The following DYM variants were observed in gnomAD, a reference collection of about 807,000 sequenced individuals.
DYM encodes dymeclin.
In DYM, 78 loss-of-function variants were observed where a neutral mutation model predicts 93.1. The ratio of observed to expected loss-of-function variants is 0.84; its 90% CI spans 0.70 to 1.01. The LOEUF (loss-of-function observed/expected upper bound fraction) is 1.01, where lower values mean the gene tolerates loss of function less well. Among genes scored for constraint, DYM ranks in the 50% least tolerant of loss-of-function variants. DYM has a pLI of 0.00. For synonymous variants in DYM, 321 were observed against 319.7 expected, an observed-to-expected ratio of 1.00 and a Z score of -0.04; for missense variants, 789 against 845.0, an observed-to-expected ratio of 0.93 and a Z score of 0.82.
At chr18:49,046,800 G>A (rs1385372520) in intron 17 of DYM, among the ~76,000 whole-genome samples, 1 of 152,152 alleles carries the variant, frequency 6.6e-6, no homozygotes, top group Non-Finnish European at 1.5e-5. Context: ...AGGCTGAGAT[G>A]GGAGGATTGC....
At chr18:49,133,076 A>G (rs1264479084) in intron 15 of DYM, among the ~76,000 whole-genome samples, 1 of 152,234 alleles carries the variant, frequency 6.6e-6, no homozygotes, top group Non-Finnish European at 1.5e-5. Context: ...TGTTTTTGTT[A>G]TAAAAATAAC....
At chr18:49,077,159 A>C (rs2077374357) in intron 17 of DYM, among the ~76,000 whole-genome samples, 1 of 152,230 alleles carries the variant, frequency 6.6e-6, no homozygotes, top group Non-Finnish European at 1.5e-5. Flanking sequence ...TACTAATTTT[A>C]AGTGTTCAAT....
At chr18:49,458,676 A>G (rs951058842) in intron 1 of DYM, among the ~76,000 whole-genome samples, 1 of 152,014 alleles carries the variant, frequency 6.6e-6, no homozygotes, top group Admixed American at 6.6e-5. Flanking sequence ...CGTCTCTACT[A>G]AAAATACAAA....
intron 2 of DYM, among the ~76,000 whole-genome samples, chr18:49,424,730 G>A (rs953364871): frequency 1.3e-5 from 2 of 152,124 alleles, no homozygotes; most frequent in African/African-American, 4.8e-5. Flanking sequence ...AAAATCACAA[G>A]CATTCTTATA....
At chr18:49,112,417 G>A (rs948367153) in intron 16 of DYM, among the ~76,000 whole-genome samples, 2 of 152,056 alleles carry the variant, frequency 1.3e-5, no homozygotes, top group Non-Finnish European at 2.9e-5. Flanking sequence ...CTTGTATGGT[G>A]GCTACCTACC....
intron 13 of DYM, among the ~76,000 whole-genome samples, chr18:49,216,019 G>C (rs1057440855): frequency 1.3e-5 from 2 of 152,220 alleles, no homozygotes; most frequent in Non-Finnish European, 2.9e-5. Flanking sequence ...GTGACAGATG[G>C]CACCTGGAAA....
chr18:49,350,007 T>A (rs1426072407), intron 6 of DYM, among the ~76,000 whole-genome samples: 1 of 152,154 alleles, frequency 6.6e-6, no homozygotes, highest in Non-Finnish European at 1.5e-5. Flanking sequence ...TTACAAAAAA[T>A]TTTATAATGT....
chr18:49,344,164 C>G (rs1206616965), intron 6 of DYM, among the ~76,000 whole-genome samples: 1 of 152,058 alleles, frequency 6.6e-6, no homozygotes, highest in African/African-American at 2.4e-5. Flanking sequence ...TTGGGTTCTA[C>G]ATATCTGGGG....
intron 16 of DYM, among the ~76,000 whole-genome samples, chr18:49,109,830 G>A (rs574547215): frequency 7.9e-5 from 12 of 152,322 alleles, no homozygotes; most frequent in Non-Finnish European, 1.5e-5. Flanking sequence ...AGATAATCTA[G>A]AGCAAAGGAC....
rs971551230 is a variant in DYM, at chr18:49,175,308, C to T, written c.1626-11521G>A. ...CCAATAAAAGAAACTGCAATGACGT[C>T]GGTATTCTTGCCTTACAAAATCAGA... is the stretch of plus-strand genomic sequence containing the variant. On this transcript the variant is annotated intron_variant, in intron 14 of 17. Transcript: ENST00000675505. 3.9e-5 allele frequency among the ~76,000 whole-genome samples: 6 copies of T among 152,244 alleles called. No individual in the cohort carries two copies. The South Asian group carries it at 6.2e-4, about 16-fold the overall frequency.
intron 8 of DYM, among the ~76,000 whole-genome samples, chr18:49,295,831 TA>T (rs545463703): frequency 1.4e-3 from 202 of 146,644 alleles, no homozygotes; most frequent in East Asian, 4.7e-3. Flanking sequence ...CATGCTTTGC[TA>T]AAAAAAAAAA....
chr18:49,236,631 G>A (rs2093875132), intron 13 of DYM, among the ~76,000 whole-genome samples: 1 of 152,142 alleles, frequency 6.6e-6, no homozygotes, highest in African/African-American at 2.4e-5. Context: ...ATTCAGGAAG[G>A]GAAATAGGCA....
chr18:49,349,802 T>G (rs1380135177), intron 6 of DYM, among the ~76,000 whole-genome samples: 8 of 151,892 alleles, frequency 5.3e-5, no homozygotes, highest in African/African-American at 1.7e-4. Flanking sequence ...CTAAAAATTT[T>G]AAAAATTAGC....
Position 49,391,732 on chromosome 18 carries a change from G to T in DYM, c.141-87C>A, listed in dbSNP as rs967746738. On this transcript the variant is annotated intron_variant, in intron 2 of 17. Coordinates refer to ENST00000675505, the MANE Select transcript of DYM (RefSeq NM_001353214.3). ...CAGTTAAAGAAATATATAAAGATAA[G>T]AAAAATAATTTAGAAGAAAAATATG... is the stretch of plus-strand genomic sequence containing the variant. 7.7e-5 allele frequency: 92 copies of T among 1,194,154 alleles called. No homozygotes were observed. The East Asian group carries it at 7.9e-4, about 10-fold the overall frequency. The allele number at this position is 1,194,154 out of a possible 1,614,324, so 74.0% of individuals were successfully genotyped here.
rs577022305 is a variant in DYM, at chr18:49,379,770, G to T, written c.194-12C>A. 3.7e-6 allele frequency: 6 copies of T among 1,601,326 alleles called. No homozygotes were observed. In the South Asian group the frequency reaches 6.6e-5, roughly 18 times the overall value. ...AGGATTGTTTTCAACTGCAAGAGAA[G>T]AAAAGGTTTTAAAAAGTTAAATTTA... On this transcript the variant is annotated splice_polypyrimidine_tract_variant and intron_variant, in intron 3 of 17. Coordinates refer to ENST00000675505, the MANE Select transcript of DYM (RefSeq NM_001353214.3).
At chr18:49,284,644 T>C (rs1001438325) in intron 9 of DYM, among the ~76,000 whole-genome samples, 7 of 152,178 alleles carry the variant, frequency 4.6e-5, no homozygotes, top group African/African-American at 1.7e-4. Flanking sequence ...TTAAGCAAAC[T>C]GTCAAAGGTC....
Position 49,044,160 on chromosome 18 carries a change from G to T in DYM, c.2070C>A (p.Pro690=), listed in dbSNP as rs751296777. Reference sequence around the variant, plus strand: ...AGACATAGGGGATAAAAAACTCCTCGGGCTGCTCCTCTTCCACATATTTGA... The same window carrying T: ...AGACATAGGGGATAAAAAACTCCTCTGGCTGCTCCTCTTCCACATATTTGA... ...LKFKYVEEEQ[P]EEFFIPYVWS... The change falls in exon 18 of 18, where the codon CCC becomes CCA. Residue 690 remains proline, a synonymous_variant. Coordinates refer to ENST00000675505, the MANE Select transcript of DYM (RefSeq NM_001353214.3). 6.2e-7 allele frequency: 1 copy of T among 1,614,070 alleles called. No individual in the cohort carries two copies. Among genetic ancestry groups the T allele is most frequent in the Admixed American group, 1.7e-5 (1 of 60,000 alleles).
chr18:49,421,295 G>A (rs914178592), intron 2 of DYM, among the ~76,000 whole-genome samples: 13 of 152,026 alleles, frequency 8.6e-5, no homozygotes, highest in African/African-American at 1.9e-4. Context: ...CCTCTGAGAC[G>A]AAGCTTCCAG....
chr18:49,097,385 T>A lies in DYM; in HGVS notation c.2025+17A>T. On this transcript the variant is annotated intron_variant, in intron 17 of 17. Coordinates refer to ENST00000675505, the MANE Select transcript of DYM (RefSeq NM_001353214.3). ...GGACACGGCAGTGTCAAGTGGACAT[T>A]TCTTTAGCCTTCTTACCTTCAGTCT... is the stretch of plus-strand genomic sequence containing the variant. 1 of 1,612,132 alleles carries A rather than the reference T, an allele frequency of 6.2e-7. No individual in the cohort carries two copies. Among genetic ancestry groups the A allele is most frequent in the Admixed American group, 1.7e-5 (1 of 59,956 alleles).
Sources: allele counts gnomAD v4.1 joint callset (sites outside exome capture counted in the v4.1 genomes callset), GRCh38; gene constraint gnomAD v4.1.1; transcripts MANE v1.5; gene names NCBI Gene and HGNC (gene_info 2026-07-23, HGNC 2026-07-21).